The following KDM2B variants were observed in gnomAD, a reference collection of about 807,000 sequenced individuals.
KDM2B encodes the protein lysine demethylase 2B, also known as lysine-specific demethylase 2B.
Under a neutral mutation model 150.0 loss-of-function variants are expected in KDM2B, and 26 were observed. The observed-to-expected ratio is 0.17, with a 90% CI of 0.13 to 0.24. KDM2B has a LOEUF of 0.24. Among genes scored for constraint, KDM2B ranks in the 10% least tolerant of loss-of-function variants. The pLI is 1.00. For missense variants in KDM2B, 1,265 were observed against 1,816.9 expected (o/e 0.70, Z 5.52); for synonymous variants, 734 against 729.5 (o/e 1.01, Z -0.10).
Position 121,467,747 on chromosome 12 carries a change from G to A in KDM2B, c.1735-14403C>T, listed in dbSNP as rs1555295192. 2 of 152,052 alleles carry A rather than the reference G, an allele frequency of 1.3e-5. No individual in the cohort carries two copies. Among genetic ancestry groups the A allele is most frequent in the Non-Finnish European group, 1.5e-5 (1 of 68,014 alleles). The allele number at this position is 152,052 out of a possible 1,614,324, so 9.4% of individuals were successfully genotyped here. On this transcript the variant is annotated intron_variant, in intron 12 of 22. Coordinates refer to ENST00000377071, the MANE Select transcript of KDM2B (RefSeq NM_032590.5). The surrounding 1 kb of genome is among the most constrained non-coding windows in gnomAD (Gnocchi z 5.1). ...CCGTGGGGCGTCTCGCGGAAGCCCG[G>A]GGGCGCCCGGGCCGTGGGGGACGAC...
chr12:121,544,827 C>T (rs1345390454), intron 6 of KDM2B, among the ~76,000 whole-genome samples: 7 of 151,550 alleles, frequency 4.6e-5, no homozygotes, highest in African/African-American at 1.7e-4. Context: ...GCAGGAGAAT[C>T]GTTTGAACCT....
intron 12 of KDM2B, among the ~76,000 whole-genome samples, chr12:121,463,716 ACT>A (rs1555294193): frequency 6.6e-6 from 1 of 152,156 alleles, no homozygotes; most frequent in East Asian, 1.9e-4. Context: ...AGTAGCTGGG[ACT>A]ACAGGTGCAT....
chr12:121,558,424 G>A (rs1890059100), intron 4 of KDM2B, among the ~76,000 whole-genome samples: 1 of 151,538 alleles, frequency 6.6e-6, no homozygotes, highest in African/African-American at 2.4e-5. Context: ...ACAGACATGT[G>A]TGGAGAAGGC....
At position 121,513,175 on chromosome 12, in the gene KDM2B, C is replaced by A; in HGVS notation, c.1174+101G>T. 2.1e-6 allele frequency: 3 copies of A among 1,399,432 alleles called. No individual in the cohort carries two copies. The South Asian group carries it at 3.8e-5, about 18-fold the overall frequency. The allele number at this position is 1,399,432 out of a possible 1,614,324, so 86.7% of individuals were successfully genotyped here. On this transcript the variant is annotated intron_variant, in intron 10 of 22. Transcript: ENST00000377071. This position sits in a 1 kb window ranked among gnomAD's most constrained non-coding sequence, Gnocchi z 5.0. ...GATTCTGCCCAATACACTGATTCAA[C>A]GAATCCCCAAAACTCAGGGAGTGTC...
chr12:121,446,545 C>T (rs1342103584), intron 13 of KDM2B, among the ~76,000 whole-genome samples: 3 of 152,188 alleles, frequency 2.0e-5, no homozygotes, highest in Non-Finnish European at 4.4e-5. Flanking sequence ...ACAGGTGACG[C>T]GTACCAAAGG....
intron 11 of KDM2B, among the ~76,000 whole-genome samples, chr12:121,498,743 A>G (rs1290997707): frequency 1.3e-5 from 2 of 152,196 alleles, no homozygotes; most frequent in East Asian, 1.9e-4. Context: ...TTAGAGGGAT[A>G]TTTAGTTACA....
At chr12:121,417,928 A>C in the KDM2B span, 30 of 1,608,412 alleles carry the variant, frequency 1.9e-5, no homozygotes, top group Non-Finnish European at 2.5e-5. The surrounding 1 kb of genome is among the most constrained non-coding windows in gnomAD (Gnocchi z 5.0). Flanking sequence ...GGGGGTAACT[A>C]ATTACACCCA....
chr12:121,507,526 T>C (rs1208093707), intron 11 of KDM2B, among the ~76,000 whole-genome samples: 1 of 152,210 alleles, frequency 6.6e-6, no homozygotes, highest in Admixed American at 6.5e-5. Flanking sequence ...CTGCTTGCGC[T>C]TTTTCTAACC....
intron 13 of KDM2B, among the ~76,000 whole-genome samples, chr12:121,447,461 T>A (rs555751374): frequency 6.6e-6 from 1 of 152,086 alleles, no homozygotes; most frequent in Admixed American, 6.6e-5. Flanking sequence ...GTCAGGCTGG[T>A]CTCGGACTCC....
chr12:121,546,072 GC>G (rs1243040110), intron 6 of KDM2B, among the ~76,000 whole-genome samples: 4 of 152,130 alleles, frequency 2.6e-5, no homozygotes, highest in Non-Finnish European at 2.9e-5. Context: ...CATCGCAGCT[GC>G]AAGTTCCCAT....
rs782633970 is a variant in KDM2B at position 121,513,265 on chromosome 12, G to T, written c.1174+11C>A. On this transcript the variant is annotated intron_variant, in intron 10 of 22. Transcript: ENST00000377071. The surrounding 1 kb of genome is among the most constrained non-coding windows in gnomAD (Gnocchi z 5.0). ...GCAGCCGAGGCCGTGGGCTCCCTCCGGTTCACTCACCAATAAGCATCGACT... is the reference window on the plus strand; with the variant it reads ...GCAGCCGAGGCCGTGGGCTCCCTCCTGTTCACTCACCAATAAGCATCGACT... 2.5e-6 allele frequency: 4 copies of T among 1,611,998 alleles called. No homozygotes were observed. In the South Asian group the frequency reaches 4.4e-5, roughly 18 times the overall value.
At chr12:121,423,784 C>T in the KDM2B span, 58 of 531,162 alleles carry the variant, frequency 1.1e-4, 2 homozygotes, top group East Asian at 5.2e-4. The surrounding 1 kb of genome is among the most constrained non-coding windows in gnomAD (Gnocchi z 4.3). Flanking sequence ...GTGAGCTTCC[C>T]GGGCTCAGCT....
intron 11 of KDM2B, among the ~76,000 whole-genome samples, chr12:121,499,298 T>G (rs1555301501): frequency 1.3e-5 from 2 of 151,228 alleles, no homozygotes; most frequent in African/African-American, 4.9e-5. Context: ...TTTTTTTTTT[T>G]TTTAGTAGAG....
At chr12:121,494,803 C>T (rs782618319) in intron 11 of KDM2B, 138 bp from the exon 12 acceptor site, 12 of 597,902 alleles carry the variant, frequency 2.0e-5, no homozygotes, top group Non-Finnish European at 3.4e-5. Context: ...ACCACCCACA[C>T]ATTCAATAGA....
the KDM2B span, chr12:121,417,431 G>A: frequency 7.5e-6 from 10 of 1,333,404 alleles, no homozygotes; most frequent in Non-Finnish European, 1.0e-5. This position sits in a 1 kb window ranked among gnomAD's most constrained non-coding sequence, Gnocchi z 5.0. Context: ...AATTTTAGTA[G>A]AAGGCAGAAA....
At chr12:121,548,593 C>T (rs375814091) in intron 6 of KDM2B, among the ~76,000 whole-genome samples, 1 of 152,336 alleles carries the variant, frequency 6.6e-6, no homozygotes, top group African/African-American at 2.4e-5. Flanking sequence ...GACACACACA[C>T]CGATGCAGAG....
intron 3 of KDM2B, 114 bp from the exon 4 acceptor site, chr12:121,574,707 G>A (rs1891385517): frequency 1.1e-6 from 1 of 942,962 alleles, no homozygotes; most frequent in Non-Finnish European, 1.6e-6. Flanking sequence ...CCTCAGTTTG[G>A]GAACTCAAAA....
chr12:121,426,309 C>A (rs991874564), downstream of KDM2B, among the ~76,000 whole-genome samples: 9 of 152,050 alleles, frequency 5.9e-5, no homozygotes, highest in Non-Finnish European at 1.2e-4. Context: ...GGTTTATTAG[C>A]CAGATAATAG....
intron 13 of KDM2B, among the ~76,000 whole-genome samples, chr12:121,446,499 G>A (rs1001603796): frequency 6.6e-6 from 1 of 152,210 alleles, no homozygotes; most frequent in African/African-American, 2.4e-5. Flanking sequence ...CATGTGCTTT[G>A]TGACAATAAG....
Sources: allele counts gnomAD v4.1 joint callset (sites outside exome capture counted in the v4.1 genomes callset), GRCh38; gene constraint gnomAD v4.1.1; non-coding constraint Gnocchi (gnomAD v3.1); transcripts MANE v1.5; gene names NCBI Gene and HGNC (gene_info 2026-07-23, HGNC 2026-07-21).